LSG1: variants seen among roughly 807,000 people sequenced by gnomAD.
LSG1 encodes large 60S subunit nuclear export GTPase 1, also known as large subunit GTPase 1 homolog.
LSG1 carries 55 observed loss-of-function variants against 82.6 expected under a neutral mutation model. The ratio of observed to expected loss-of-function variants is 0.67; its 90% confidence interval spans 0.54 to 0.83. The LOEUF (loss-of-function observed/expected upper bound fraction) is 0.83. Among genes scored for constraint, LSG1 ranks in the 40% least tolerant of loss-of-function variants. The pLI is 0.00. For missense variants in LSG1, 809 were observed against 807.9 expected (o/e 1.00, Z -0.02); for synonymous variants, 272 against 282.5 (o/e 0.96, Z 0.37).
intron 2 of LSG1, among the ~76,000 whole-genome samples, chr3:194,667,973 TTAC>T (rs1224465415): frequency 7.7e-6 from 1 of 130,482 alleles, no homozygotes; most frequent in Non-Finnish European, 1.6e-5. Flanking sequence ...ATATATAGCT[TTAC>T]TACAATATGA....
intron 5 of LSG1, among the ~76,000 whole-genome samples, chr3:194,662,570 C>T (rs2108620757): frequency 6.6e-6 from 1 of 152,302 alleles, no homozygotes; most frequent in South Asian, 2.1e-4. Context: ...CGAGACCAGC[C>T]TGGCCAACAT....
At chr3:194,643,819 G>C (rs1718450035) in intron 13 of LSG1, among the ~76,000 whole-genome samples, 1 of 152,146 alleles carries the variant, frequency 6.6e-6, no homozygotes, top group East Asian at 1.9e-4. Flanking sequence ...ATGATAAATA[G>C]ATAAACAAAA....
At chr3:194,664,025 T>G (rs1577259063) in intron 5 of LSG1, among the ~76,000 whole-genome samples, 1 of 152,158 alleles carries the variant, frequency 6.6e-6, no homozygotes, top group Non-Finnish European at 1.5e-5. Context: ...CAGGCTGGAG[T>G]GCAGTGGTGC....
In LSG1 at chr3:194,653,758, G is replaced by A. The variant is rs146134185; in HGVS notation, c.760-616C>T. 3.3e-3 allele frequency among the ~76,000 whole-genome samples: 498 copies of A among 152,240 alleles called. 3 individuals carry two copies. Among genetic ancestry groups the A allele is most frequent in the African/African-American group, 0.011 (444 of 41,548 alleles). On this transcript the variant is annotated intron_variant, in intron 7 of 13. Coordinates refer to ENST00000265245, the MANE Select transcript of LSG1 (RefSeq NM_018385.3). Reference sequence around the variant, plus strand: ...TTGTAATTTAAAATAACTCTAGGCCGGGTGCTACGGCTCACGCCTGTAATC... The same window carrying A: ...TTGTAATTTAAAATAACTCTAGGCCAGGTGCTACGGCTCACGCCTGTAATC...
chr3:194,642,057 GCAGCC>G lies in LSG1; in HGVS notation c.*6_*10del. The G allele has an allele frequency of 6.2e-7, 1 of 1,611,008 alleles. No individual in the cohort carries two copies. The highest frequency in any genetic ancestry group is 1.3e-5 in the African/African-American group (1 of 74,784). ...GCACAATGCAGATGACATTTCTGTT[GCAGCC>G]CAACCTCACATATCCAGGTGCTTGT... On this transcript the variant is annotated 3_prime_UTR_variant, in exon 14 of 14. Transcript: ENST00000265245.
intron 10 of LSG1, among the ~76,000 whole-genome samples, chr3:194,650,519 C>T (rs552943293): frequency 5.3e-5 from 8 of 152,288 alleles, no homozygotes; most frequent in African/African-American, 1.9e-4. Context: ...GTTAGCTATA[C>T]TGATTAAATA....
Position 194,653,163 on chromosome 3 carries a change from C to T in LSG1, c.760-21G>A, listed in dbSNP as rs375466767. ...TCTTCCTGACAAAATAATAGAAACG[C>T]TCAGAAGTATATAACTGCAGTTTCC... is the stretch of plus-strand genomic sequence containing the variant. On this transcript the variant is annotated intron_variant, in intron 7 of 13. Coordinates refer to ENST00000265245, the MANE Select transcript of LSG1 (RefSeq NM_018385.3). 4 of 1,603,162 alleles carry T rather than the reference C, an allele frequency of 2.5e-6. No homozygotes were observed. The African/African-American group carries it at 5.4e-5, about 21-fold the overall frequency.
At position 194,670,040 on chromosome 3, in the gene LSG1, A is replaced by G; in HGVS notation, c.195T>C (p.Thr65=). The G allele has an allele frequency of 6.2e-7, 1 of 1,614,148 alleles. No individual in the cohort carries two copies. The change falls in exon 2 of 14, where the codon ACT becomes ACC. Residue 65 remains threonine (T), a synonymous_variant. Transcript: ENST00000265245. The part of the protein sequence containing the change: ...EQSSLDDFLA[T]AELAGTEFVA... ...CAAACTCTGTTCCTGCAAGTTCTGC[A>G]GTAGCAAGGAAGTCATCAAGGGAGC...
Position 194,667,944 on chromosome 3 carries a change from T to G in LSG1, c.227-1372A>C, listed in dbSNP as rs9864189. ...GTCTCAAAAAAAAAAAAAAAAAAAA[T>G]ATATATATATATATATATATATATA... On this transcript the variant is annotated intron_variant, in intron 2 of 13. Coordinates refer to ENST00000265245, the MANE Select transcript of LSG1 (RefSeq NM_018385.3). Among the ~76,000 whole-genome samples, 5 of 55,870 alleles carry G rather than the reference T, an allele frequency of 8.9e-5. No homozygotes were observed. The South Asian group carries it at 3.5e-3, about 39-fold the overall frequency. 36.7% of individuals were successfully genotyped at this position (55,870 alleles called of 152,430 possible). A position where few individuals can be genotyped will look rare whatever the true frequency, so the allele number is the denominator to read the frequency against.
chr3:194,642,900 A>T (rs1347808334), intron 13 of LSG1, among the ~76,000 whole-genome samples: 2 of 152,230 alleles, frequency 1.3e-5, no homozygotes, highest in East Asian at 1.9e-4. Context: ...GTTTTATCCC[A>T]GCTTTGCAAT....
At chr3:194,647,738 A>T (rs986462017) in intron 11 of LSG1, among the ~76,000 whole-genome samples, 2 of 152,158 alleles carry the variant, frequency 1.3e-5, no homozygotes, top group African/African-American at 2.4e-5. Flanking sequence ...CTGCAGGGAG[A>T]TCTCACCCAG....
chr3:194,666,331 A>G, intron 3 of LSG1, 42 bp from the exon 4 acceptor site: 1 of 1,606,340 alleles, frequency 6.2e-7, no homozygotes, highest in South Asian at 1.1e-5. Context: ...CATATAAGTA[A>G]CCAAAATAAA....
chr3:194,656,644 C>T (rs1179543742), intron 7 of LSG1, among the ~76,000 whole-genome samples: 2 of 152,118 alleles, frequency 1.3e-5, no homozygotes, highest in Non-Finnish European at 2.9e-5. Flanking sequence ...CATCCCATTA[C>T]TGGGTATATA....
intron 10 of LSG1, among the ~76,000 whole-genome samples, chr3:194,650,085 A>G (rs1718643523): frequency 6.6e-6 from 1 of 151,976 alleles, no homozygotes; most frequent in Non-Finnish European, 1.5e-5. Context: ...ACGCCCAGCT[A>G]ATTTTTGTAT....
intron 13 of LSG1, among the ~76,000 whole-genome samples, 153 bp downstream of exon 13, chr3:194,644,420 A>C (rs1718474058): frequency 6.7e-6 from 1 of 149,736 alleles, no homozygotes; most frequent in Non-Finnish European, 1.5e-5. Flanking sequence ...ATAAATAAAT[A>C]AATAAGGTTT....
At position 194,644,385 on chromosome 3, in the gene LSG1, AAT is replaced by A. The variant is rs1192426733; in HGVS notation, c.1797+186_1797+187del. ...CTCCGTCTCAAAAAAAAAAAATAAA[AAT>A]AAATAAATAAATAAATAAATAAATA... On this transcript the variant is annotated intron_variant, in intron 13 of 13. Transcript: ENST00000265245. 1.3e-3 allele frequency among the ~76,000 whole-genome samples: 121 copies of A among 92,812 alleles called. 5 individuals are homozygous for A. Among genetic ancestry groups the A allele is most frequent in the East Asian group, 3.9e-3 (15 of 3,804 alleles). 60.9% of individuals were successfully genotyped at this position (92,812 alleles called of 152,430 possible). A position where few individuals can be genotyped will look rare whatever the true frequency, so the allele number is the denominator to read the frequency against.
chr3:194,657,183 T>TA (rs56027721), intron 7 of LSG1, among the ~76,000 whole-genome samples: 2,072 of 142,702 alleles, frequency 0.015, 47 homozygotes, highest in African/African-American at 0.049. Flanking sequence ...AAGGCAACCT[T>TA]AAAAAAAAAA....
rs773167594 is a variant in LSG1 at position 194,666,270 on chromosome 3, T to A, written c.367A>T (p.Thr123Ser). The stretch of plus-strand genomic sequence containing the variant: ...GCTTGTTTGAGTTCTTCTGGGGTAG[T>A]ATTTTGGTTCCAGTTTGGTCTGAAA... ...IPRRPNWNQNTTPEELKQAEK... is the reference protein window; with the variant it reads ...IPRRPNWNQNSTPEELKQAEK... The change falls in exon 4 of 14, where the codon ACT (threonine) becomes TCT (serine). Residue 123 changes from threonine (T) to serine (S), a missense_variant. Coordinates refer to ENST00000265245, the MANE Select transcript of LSG1 (RefSeq NM_018385.3). 2.5e-6 allele frequency: 4 copies of A among 1,614,076 alleles called. No homozygotes were observed. Among genetic ancestry groups the A allele is most frequent in the Non-Finnish European group, 3.4e-6 (4 of 1,180,030 alleles).
chr3:194,657,145 T>G (rs1705995), intron 7 of LSG1, among the ~76,000 whole-genome samples: 92,617 of 147,394 alleles, frequency 0.63, 30,046 homozygotes, highest in East Asian at 0.87. Context: ...ACTTAAAGTA[T>G]AATAATAGTA....
Sources: allele counts gnomAD v4.1 joint callset (sites outside exome capture counted in the v4.1 genomes callset), GRCh38; gene constraint gnomAD v4.1.1; transcripts MANE v1.5; gene names NCBI Gene and HGNC (gene_info 2026-07-23, HGNC 2026-07-21).